Variants in BRAF observed in about 807,000 individuals in gnomAD.
The protein encoded by BRAF is serine/threonine-protein kinase B-raf.
BRAF carries 16 observed loss-of-function variants against 104.6 expected under a neutral mutation model. The observed-to-expected ratio is 0.15, with a 90% CI of 0.10 to 0.23. The LOEUF is 0.23. BRAF is among the 10% of genes least tolerant of loss of function. BRAF has a pLI of 1.00. For missense variants in BRAF, 541 were observed against 937.3 expected, an observed-to-expected ratio of 0.58 and a Z score of 5.52; for synonymous variants, 310 against 341.6, an observed-to-expected ratio of 0.91 and a Z score of 1.02.
At chr7:140,810,402 C>A (rs1804124643) in intron 3 of BRAF, among the ~76,000 whole-genome samples, 2 of 152,114 alleles carry the variant, frequency 1.3e-5, no homozygotes, top group South Asian at 4.1e-4. Context: ...AACCCCATCT[C>A]TACTAAAAAA....
chr7:140,754,852 T>A (rs1369427707), intron 14 of BRAF, among the ~76,000 whole-genome samples: 1 of 152,236 alleles, frequency 6.6e-6, no homozygotes, highest in Non-Finnish European at 1.5e-5. Context: ...TTAAAGGTAG[T>A]TGTCATATAT....
At position 140,734,786 on chromosome 7, in the gene BRAF, G is replaced by GAAAAAAAAAAAA. The variant is rs370332827; in HGVS notation, c.2248-17_2248-16insTTTTTTTTTTTT. 6.3e-5 allele frequency: 52 copies of GAAAAAAAAAAAA among 823,038 alleles called. No homozygotes were observed. Among genetic ancestry groups the GAAAAAAAAAAAA allele is most frequent in the Admixed American group, 2.0e-4 (3 of 15,048 alleles). The allele number at this position is 823,038 out of a possible 1,614,324, so 51.0% of individuals were successfully genotyped here. ...AGGCGAGAATCTACAAAAAAAAAAA[G>GAAAAAAAAAAAA]AAAAAAAAAAGAAAAAAAAAGAAAA... On this transcript the variant is annotated splice_polypyrimidine_tract_variant and intron_variant, in intron 18 of 19. Transcript: ENST00000644969.
intron 2 of BRAF, among the ~76,000 whole-genome samples, chr7:140,848,320 T>C (rs1269109129): frequency 6.6e-6 from 1 of 152,242 alleles, no homozygotes; most frequent in Non-Finnish European, 1.5e-5. Context: ...TTAGTTAAGT[T>C]ACTTAACCTC....
At chr7:140,810,338 G>A (rs952233650) in intron 3 of BRAF, among the ~76,000 whole-genome samples, 1 of 152,160 alleles carries the variant, frequency 6.6e-6, no homozygotes, top group African/African-American at 2.4e-5. Context: ...GGAGGCCAAG[G>A]TGGGTGGATC....
Position 140,721,746 on chromosome 7 carries a change from G to A in BRAF, c.*4748C>T, listed in dbSNP as rs545362147. On this transcript the variant is annotated 3_prime_UTR_variant, in exon 20 of 20. Transcript: ENST00000644969. ...ATGGACTTTCTCTTTCAATGGTGAG[G>A]AATGAAACAAGATACAAGAACCACA... 2 of 1,505,222 alleles carry A rather than the reference G, an allele frequency of 1.3e-6. No individual in the cohort carries two copies. Among genetic ancestry groups the A allele is most frequent in the South Asian group, 1.3e-5 (1 of 79,136 alleles). The allele number at this position is 1,505,222 out of a possible 1,614,324, so 93.2% of individuals were successfully genotyped here.
chr7:140,734,095 T>C (rs910732865), intron 19 of BRAF: 69 of 1,035,702 alleles, frequency 6.7e-5, no homozygotes, highest in African/African-American at 5.7e-4. Context: ...GAAATAGTTA[T>C]AGAAAAATTA....
At chr7:140,791,278 A>G (rs1801937229) in intron 8 of BRAF, among the ~76,000 whole-genome samples, 1 of 152,138 alleles carries the variant, frequency 6.6e-6, no homozygotes, top group African/African-American at 2.4e-5. Context: ...AACAGCTCTC[A>G]ATGAAGTAAA....
chr7:140,778,579 C>T (rs765820231), intron 12 of BRAF, among the ~76,000 whole-genome samples: 3 of 151,606 alleles, frequency 2.0e-5, no homozygotes, highest in Admixed American at 6.6e-5. Context: ...AAAACTGTCA[C>T]TAAAATTTAA....
chr7:140,759,155 T>C (rs902427318), intron 14 of BRAF, among the ~76,000 whole-genome samples: 12 of 152,230 alleles, frequency 7.9e-5, no homozygotes, highest in African/African-American at 2.9e-4. Flanking sequence ...TTGTGGCAAA[T>C]ATGAAGAAGA....
chr7:140,833,035 C>T (rs571570476), intron 3 of BRAF, among the ~76,000 whole-genome samples: 4 of 151,950 alleles, frequency 2.6e-5, no homozygotes, highest in East Asian at 3.9e-4. Flanking sequence ...CACCACGCCC[C>T]GCTAATCTTT....
chr7:140,835,645 C>A (rs1278537852), intron 2 of BRAF: 1 of 151,490 alleles, frequency 6.6e-6, no homozygotes, highest in Non-Finnish European at 1.5e-5. Flanking sequence ...TATGGGGCTA[C>A]TATCCATCAG....
At chr7:140,770,145 G>GATT (rs995827200) in intron 14 of BRAF, among the ~76,000 whole-genome samples, 2 of 152,068 alleles carry the variant, frequency 1.3e-5, no homozygotes, top group Admixed American at 1.3e-4. Flanking sequence ...TGCATTTTCT[G>GATT]ATTATTATTA....
downstream of BRAF, among the ~76,000 whole-genome samples, chr7:140,716,185 A>G (rs1795126848): frequency 6.6e-6 from 1 of 152,200 alleles, no homozygotes; most frequent in South Asian, 2.1e-4. Context: ...ACAGCCTACT[A>G]AGTTGTCTCA....
chr7:140,841,028 C>T (rs943248608), intron 2 of BRAF, among the ~76,000 whole-genome samples: 2 of 151,900 alleles, frequency 1.3e-5, no homozygotes, highest in Admixed American at 1.3e-4. Flanking sequence ...AGAACTCTTA[C>T]AACTCAGTAA....
intron 1 of BRAF, among the ~76,000 whole-genome samples, chr7:140,872,102 C>T (rs1811659633): frequency 6.6e-6 from 1 of 152,086 alleles, no homozygotes; most frequent in African/African-American, 2.4e-5. Context: ...GCAGTCCCAG[C>T]TACTTGGGAG....
intron 3 of BRAF, among the ~76,000 whole-genome samples, chr7:140,828,685 T>G (rs1293285202): frequency 6.6e-6 from 1 of 152,204 alleles, no homozygotes; most frequent in Non-Finnish European, 1.5e-5. Flanking sequence ...ACTGATGACA[T>G]TCTATATTTT....
intron 14 of BRAF, among the ~76,000 whole-genome samples, chr7:140,768,864 C>T (rs1378055512): frequency 6.6e-6 from 1 of 151,976 alleles, no homozygotes; most frequent in Non-Finnish European, 1.5e-5. Flanking sequence ...TGTGTTCTGC[C>T]CCTTTTGTGT....
At chr7:140,805,243 T>C (rs1803540707) in intron 5 of BRAF, among the ~76,000 whole-genome samples, 1 of 152,226 alleles carries the variant, frequency 6.6e-6, no homozygotes, top group South Asian at 2.1e-4. Context: ...GTGACTCTTA[T>C]TTTCTTCACC....
At chr7:140,910,542 A>T (rs1218197336) in intron 1 of BRAF, among the ~76,000 whole-genome samples, 1 of 152,188 alleles carries the variant, frequency 6.6e-6, no homozygotes, top group Non-Finnish European at 1.5e-5. Flanking sequence ...CTTTGGTTGA[A>T]ACAGAAATTG....
Sources: gnomAD v4.1 joint callset for allele counts (sites outside exome capture counted in the v4.1 genomes callset) on GRCh38, gnomAD v4.1.1 for gene constraint, MANE v1.5 for transcripts, NCBI Gene and HGNC (gene_info 2026-07-23, HGNC 2026-07-21) for gene names.